The following VPS13D variants were observed in gnomAD, a reference collection of about 807,000 sequenced individuals.
VPS13D encodes intermembrane lipid transfer protein VPS13D.
Under a neutral mutation model 461.9 loss-of-function variants are expected in VPS13D, and 187 were observed. The ratio of observed to expected loss-of-function variants is 0.40; its 90% confidence interval spans 0.36 to 0.46. VPS13D has a LOEUF of 0.46. Among genes scored for constraint, VPS13D ranks in the 20% least tolerant of loss-of-function variants. The pLI is 0.60. For synonymous variants in VPS13D, 1,951 were observed against 1,986.3 expected (o/e 0.98, Z 0.47); for missense variants, 4,711 against 5,364.9 (o/e 0.88, Z 3.81).
At chr1:12,293,025 A>G (rs1385511562) in intron 23 of VPS13D, among the ~76,000 whole-genome samples, 32 of 152,176 alleles carry the variant, frequency 2.1e-4, no homozygotes, top group Admixed American at 2.1e-3. Flanking sequence ...AATTTGTAGA[A>G]GTCTTCTAAT....
At chr1:12,400,391 A>C in intron 61 of VPS13D, 61 bp downstream of exon 61, 2 of 1,588,116 alleles carry the variant, frequency 1.3e-6, no homozygotes, top group Non-Finnish European at 1.7e-6. Context: ...TTGTTCTCTC[A>C]CAGCCAAGTC....
intron 68 of VPS13D, among the ~76,000 whole-genome samples, chr1:12,504,364 A>G (rs545903366): frequency 1.3e-5 from 2 of 152,196 alleles, no homozygotes; most frequent in African/African-American, 4.8e-5. Context: ...TTTTGATTTG[A>G]AAGGACTTTA....
At position 12,282,759 on chromosome 1, in the gene VPS13D, G is replaced by T. The variant is rs748741992; in HGVS notation, c.4657G>T (p.Val1553Leu). 1 of 1,614,056 alleles carries T rather than the reference G, an allele frequency of 6.2e-7. No homozygotes were observed. Among genetic ancestry groups the T allele is most frequent in the South Asian group, 1.1e-5 (1 of 91,070 alleles). ...GGTTTTACAAACCCTGGACAATCTCGTGTACAGTGAAGATCTGAATAAGTA... is the reference window on the plus strand; with the variant it reads ...GGTTTTACAAACCCTGGACAATCTCTTGTACAGTGAAGATCTGAATAAGTA... The part of the protein sequence containing the change: ...EQVLQTLDNL[V>L]YSEDLNKYPA... The change falls in exon 21 of 70, where the codon GTG (valine) becomes TTG (leucine). Residue 1553 changes from valine (V) to leucine (L), a missense_variant. Physicochemically the swap from Val to Leu is conservative, Grantham distance 32. Transcript: ENST00000620676.
chr1:12,316,287 A>C (rs992513006), intron 30 of VPS13D, among the ~76,000 whole-genome samples: 2 of 152,198 alleles, frequency 1.3e-5, no homozygotes, highest in African/African-American at 4.8e-5. Flanking sequence ...GCTCTTGCTA[A>C]CAGAAATACT....
At chr1:12,322,268 G>A (rs762315738) in intron 33 of VPS13D, among the ~76,000 whole-genome samples, 17 of 152,028 alleles carry the variant, frequency 1.1e-4, no homozygotes, top group Non-Finnish European at 2.1e-4. Flanking sequence ...GGGTTTTACC[G>A]TGTTAGCCAG....
chr1:12,363,293 G>T, intron 52 of VPS13D, 46 bp downstream of exon 52: 1 of 1,588,874 alleles, frequency 6.3e-7, no homozygotes, highest in Non-Finnish European at 8.6e-7. Context: ...GCCCCTGTTT[G>T]AGATGCAGTA....
chr1:12,481,134 A>G (rs1461666589), intron 67 of VPS13D, among the ~76,000 whole-genome samples: 1 of 152,158 alleles, frequency 6.6e-6, no homozygotes, highest in Non-Finnish European at 1.5e-5. Context: ...CATGACAGGA[A>G]GTGGTGCTGT....
At chr1:12,238,342 G>A (rs1640232254) in intron 2 of VPS13D, among the ~76,000 whole-genome samples, 1 of 151,414 alleles carries the variant, frequency 6.6e-6, no homozygotes, top group Non-Finnish European at 1.5e-5. Context: ...GGAGGCTGAG[G>A]CAGGAAGATC....
Position 12,385,264 on chromosome 1 carries a change from C to T in VPS13D, c.11375C>T (p.Thr3792Ile). 3.1e-6 allele frequency: 5 copies of T among 1,613,162 alleles called. No individual in the cohort carries two copies. The highest frequency in any genetic ancestry group is 4.2e-6 in the Non-Finnish European group (5 of 1,179,518). The change falls in exon 59 of 70, where the codon ACA becomes ATA. Residue 3792 changes from threonine (T) to isoleucine (I), a missense_variant. This residue lies in a region of VPS13D where 4,411 missense variants were observed against 4,937.8 expected (regional missense o/e 0.89). Transcript: ENST00000620676. ...PDGPTRALQI[T>I]DFCHRKSSRS... ...TGGTGTTTTATTTGACTTCAGATAA[C>T]AGATTTCTGCCACCGGAAAAGCAGC...
At chr1:12,401,449 T>C (rs1024712783) in intron 61 of VPS13D, among the ~76,000 whole-genome samples, 159 bp from the exon 62 acceptor site, 4 of 152,182 alleles carry the variant, frequency 2.6e-5, no homozygotes, top group African/African-American at 7.2e-5. Context: ...TAGTTAATCA[T>C]AACAATATAG....
In VPS13D at chr1:12,322,675, A is replaced by C; in HGVS notation, c.7844A>C (p.Tyr2615Ser). The C allele has an allele frequency of 1.2e-6, 2 of 1,614,228 alleles. No individual in the cohort carries two copies. The highest frequency in any genetic ancestry group is 1.1e-5 in the South Asian group (1 of 91,088). ...CTGGAGTCAGACTCCGTTGGCACTTACCTTCCAGGTGCATCTCGCGTTGGA... is the reference window on the plus strand; with the variant it reads ...CTGGAGTCAGACTCCGTTGGCACTTCCCTTCCAGGTGCATCTCGCGTTGGA... ...VALESDSVGT[Y>S]LPGASRVGEE... The change falls in exon 34 of 70, where the codon TAC becomes TCC. Residue 2615 changes from tyrosine to serine, a missense_variant. Tyr to Ser is a moderately radical substitution (Grantham distance 144). This residue lies in a region of VPS13D where 4,411 missense variants were observed against 4,937.8 expected (regional missense o/e 0.89). Transcript: ENST00000620676.
At chr1:12,247,092 A>G (rs540963468) in intron 5 of VPS13D, among the ~76,000 whole-genome samples, 1 of 152,322 alleles carries the variant, frequency 6.6e-6, no homozygotes, top group East Asian at 1.9e-4. Flanking sequence ...CGATATCACC[A>G]GCAATGTATG....
chr1:12,299,525 T>G lies in VPS13D; in HGVS notation c.6216+141T>G, dbSNP rs547661028. ...GGCTTGAAGAATTTTTTTTGGCATTTTATTGATATTTCAGTTAACCTTATG... is the reference window on the plus strand; with the variant it reads ...GGCTTGAAGAATTTTTTTTGGCATTGTATTGATATTTCAGTTAACCTTATG... On this transcript the variant is annotated intron_variant, in intron 25 of 69. Coordinates refer to ENST00000620676, the MANE Select transcript of VPS13D (RefSeq NM_015378.4). The surrounding 1 kb of genome is among the most constrained non-coding windows in gnomAD (Gnocchi z 4.2). 48 of 868,226 alleles carry G rather than the reference T, an allele frequency of 5.5e-5. No individual in the cohort carries two copies. The African/African-American group carries it at 7.4e-4, about 13-fold the overall frequency. The allele number at this position is 868,226 out of a possible 1,614,324, so 53.8% of individuals were successfully genotyped here.
intron 63 of VPS13D, among the ~76,000 whole-genome samples, chr1:12,404,672 T>A (rs1407546417): frequency 6.6e-6 from 1 of 152,194 alleles, no homozygotes; most frequent in Non-Finnish European, 1.5e-5. Context: ...CACTATACTA[T>A]GCTTCCCCAT....
chr1:12,244,318 C>A lies in VPS13D; in HGVS notation c.248C>A (p.Ser83Tyr). Reference protein sequence around the residue: ...PHVDPWVISISSLHLIGAPEK... With the variant: ...PHVDPWVISIYSLHLIGAPEK... Reference sequence around the variant, plus strand: ...GTGGACCCTTGGGTGATCTCCATCTCCAGCCTTCACTTAATTGGAGCCCCA... The same window carrying A: ...GTGGACCCTTGGGTGATCTCCATCTACAGCCTTCACTTAATTGGAGCCCCA... The change falls in exon 4 of 70, where the codon TCC becomes TAC. Residue 83 changes from serine to tyrosine, a missense_variant. Physicochemically the swap from Ser to Tyr is moderately radical, Grantham distance 144 (BLOSUM62 -2). Around this residue, in one of 3 missense-constraint regions of VPS13D, gnomAD observed 4,411 missense variants for 4,937.8 expected, o/e 0.89. Coordinates refer to ENST00000620676, the MANE Select transcript of VPS13D (RefSeq NM_015378.4). The A allele has an allele frequency of 6.2e-7, 1 of 1,614,142 alleles. No homozygotes were observed. Among genetic ancestry groups the A allele is most frequent in the East Asian group, 2.2e-5 (1 of 44,876 alleles).
At chr1:12,328,258 C>T (rs975793269) in intron 36 of VPS13D, among the ~76,000 whole-genome samples, 2 of 152,058 alleles carry the variant, frequency 1.3e-5, no homozygotes, top group Non-Finnish European at 2.9e-5. Flanking sequence ...CTAGAAAGTG[C>T]ACTTCTGAGT....
At position 12,311,518 on chromosome 1, in the gene VPS13D, C is replaced by G. The variant is rs748204950; in HGVS notation, c.6715C>G (p.Leu2239Val). The change falls in exon 28 of 70, where the codon CTG (leucine) becomes GTG (valine). Residue 2239 changes from leucine to valine, a missense_variant. Coordinates refer to ENST00000620676, the MANE Select transcript of VPS13D (RefSeq NM_015378.4). ...HGNLSSVHCS[L>V]DLYKYKLIRG... ...CAATCTCTCCTCAGTCCACTGCTCT[C>G]TGGATCTGTATAAATACAAGCTGAT... The G allele has an allele frequency of 6.2e-6, 10 of 1,614,188 alleles. No individual in the cohort carries two copies. The South Asian group carries it at 1.1e-4, about 18-fold the overall frequency.
At chr1:12,288,184 C>G (rs1270292310) in intron 21 of VPS13D, 39 bp from the exon 22 acceptor site, 1 of 1,532,216 alleles carries the variant, frequency 6.5e-7, no homozygotes, top group South Asian at 1.1e-5. Context: ...CCTTTTCTCC[C>G]CAGTAATATT....
rs77092691 is a variant in VPS13D, at chr1:12,387,885, A to G, written c.11634+1551A>G. On this transcript the variant is annotated intron_variant, in intron 60 of 69. Transcript: ENST00000620676. Reference sequence around the variant, plus strand: ...GAATGACAACAGATTTCTTTTTGGGAACAATGAGAGTGGGAAGACAATGAG... The same window carrying G: ...GAATGACAACAGATTTCTTTTTGGGGACAATGAGAGTGGGAAGACAATGAG... 3.6e-3 allele frequency among the ~76,000 whole-genome samples: 546 copies of G among 152,310 alleles called. 3 individuals are homozygous for G. Among genetic ancestry groups the G allele is most frequent in the African/African-American group, 0.013 (526 of 41,568 alleles).
Sources: gnomAD v4.1 joint callset for allele counts (sites outside exome capture counted in the v4.1 genomes callset) on GRCh38, gnomAD v4.1.1 for gene constraint, gnomAD v4.1.1 regional missense constraint, Gnocchi (gnomAD v3.1) non-coding constraint, MANE v1.5 for transcripts, NCBI Gene and HGNC (gene_info 2026-07-23, HGNC 2026-07-21) for gene names.